Variants in LYZL4 observed in about 807,000 individuals in gnomAD.
The protein encoded by LYZL4 is lysozyme like 4, also known as lysozyme-like protein 4.
In LYZL4, 13 loss-of-function variants were observed where a neutral mutation model predicts 17.6. The ratio of observed to expected loss-of-function variants is 0.74; its 90% CI spans 0.48 to 1.18. The LOEUF (loss-of-function observed/expected upper bound fraction) is 1.18, where lower values mean the gene tolerates loss of function less well. Ranked by LOEUF, LYZL4 falls within the 50% of genes most tolerant of loss-of-function variation. The pLI, the probability that LYZL4 is intolerant of heterozygous loss-of-function variation, is 0.00. For missense variants in LYZL4, 174 were observed against 188.2 expected, an observed-to-expected ratio of 0.92 and a Z score of 0.44; for synonymous variants, 64 against 67.7, an observed-to-expected ratio of 0.95 and a Z score of 0.27.
chr3:42,397,321 G>A lies in LYZL4; in HGVS notation c.385C>T (p.Arg129Trp), dbSNP rs369425950. The change falls in exon 5 of 5, where the codon CGG (arginine) becomes TGG (tryptophan). Residue 129 changes from arginine (R) to tryptophan (W), a missense_variant. Arg to Trp is a moderately radical substitution (Grantham distance 101). Coordinates refer to ENST00000287748, the MANE Select transcript of LYZL4 (RefSeq NM_144634.4). Reference sequence around the variant, plus strand: ...AGGGTATCGGAGTACTGGCAGTACCGGGACCAGGTGGGCCTGTGGAGAGAA... The same window carrying A: ...AGGGTATCGGAGTACTGGCAGTACCAGGACCAGGTGGGCCTGTGGAGAGAA... Reference protein sequence around the residue: ...EGMGAWPTWSRYCQYSDTLAR... With the variant: ...EGMGAWPTWSWYCQYSDTLAR... 84 of 1,572,140 alleles carry A rather than the reference G, an allele frequency of 5.3e-5. No homozygotes were observed. Among genetic ancestry groups the A allele is most frequent in the Middle Eastern group, 1.7e-4 (1 of 6,038 alleles).
intron 3 of LYZL4, 97 bp downstream of exon 3, chr3:42,406,749 T>C: frequency 1.3e-6 from 2 of 1,492,888 alleles, no homozygotes; most frequent in Non-Finnish European, 9.1e-7. Flanking sequence ...CCCTCTTCTT[T>C]GTAAAACTTT....
chr3:42,399,469 A>G (rs1698615233), intron 4 of LYZL4, among the ~76,000 whole-genome samples: 1 of 152,260 alleles, frequency 6.6e-6, no homozygotes, highest in Non-Finnish European at 1.5e-5. Context: ...ATTACCTGCA[A>G]CATCTATACA....
At chr3:42,378,349 GCAAGAATTTCCTTTGCCAAAGTTATATAT>G in the LYZL4 span, among the ~76,000 whole-genome samples, 3 of 152,168 alleles carry the variant, frequency 2.0e-5, no homozygotes, top group Non-Finnish European at 2.9e-5. Context: ...AGGGTTGACA[GCAAGAATTTCCTTTGCCAAAGTTATATAT>G]CCATTCTGTT....
chr3:42,391,195 T>C, the LYZL4 span, among the ~76,000 whole-genome samples: 6 of 152,208 alleles, frequency 3.9e-5, no homozygotes, highest in African/African-American at 1.4e-4. Context: ...CAGATGTCTA[T>C]TCAATAGTCA....
the LYZL4 span, among the ~76,000 whole-genome samples, chr3:42,363,904 A>G: frequency 6.6e-6 from 1 of 152,202 alleles, no homozygotes; most frequent in South Asian, 2.1e-4. Flanking sequence ...CCCTTTCCCA[A>G]CAGTGAAATT....
At chr3:42,390,900 G>C in the LYZL4 span, among the ~76,000 whole-genome samples, 1 of 152,212 alleles carries the variant, frequency 6.6e-6, no homozygotes, top group East Asian at 1.9e-4. Context: ...TGGACTGATA[G>C]TTTGCACCTG....
chr3:42,403,266 T>C (rs1340293333), intron 4 of LYZL4, among the ~76,000 whole-genome samples: 1 of 135,686 alleles, frequency 7.4e-6, no homozygotes, highest in Non-Finnish European at 1.6e-5. Flanking sequence ...ATTATCCACC[T>C]TTTTTTTTTT....
At chr3:42,380,109 G>T in the LYZL4 span, among the ~76,000 whole-genome samples, 2 of 152,140 alleles carry the variant, frequency 1.3e-5, no homozygotes, top group Non-Finnish European at 2.9e-5. Context: ...CAGAGCTGTG[G>T]GAAATAATGT....
the LYZL4 span, among the ~76,000 whole-genome samples, chr3:42,365,014 A>C: frequency 1.3e-5 from 2 of 152,234 alleles, no homozygotes; most frequent in African/African-American, 4.8e-5. Context: ...TGAAGCATGC[A>C]GCATACTCTA....
At chr3:42,369,961 T>C in the LYZL4 span, among the ~76,000 whole-genome samples, 4 of 152,146 alleles carry the variant, frequency 2.6e-5, no homozygotes, top group African/African-American at 9.7e-5. Flanking sequence ...GTGGGAGGAC[T>C]GCTTGAGCTC....
At chr3:42,364,124 C>T in the LYZL4 span, among the ~76,000 whole-genome samples, 1 of 152,134 alleles carries the variant, frequency 6.6e-6, no homozygotes, top group Non-Finnish European at 1.5e-5. Context: ...GGGAGGCAGT[C>T]ATGGGAGAGC....
chr3:42,362,643 A>T, the LYZL4 span, among the ~76,000 whole-genome samples: 1 of 152,172 alleles, frequency 6.6e-6, no homozygotes, highest in South Asian at 2.1e-4. Flanking sequence ...AATCCCATTC[A>T]CAAGGGCTCC....
chr3:42,398,070 G>A (rs1391094026), intron 4 of LYZL4, among the ~76,000 whole-genome samples: 2 of 152,206 alleles, frequency 1.3e-5, no homozygotes, highest in South Asian at 2.1e-4. Flanking sequence ...CACAGTGCAA[G>A]ACAGGGCTGT....
At chr3:42,368,557 G>T in the LYZL4 span, among the ~76,000 whole-genome samples, 1 of 151,900 alleles carries the variant, frequency 6.6e-6, no homozygotes, top group Admixed American at 6.6e-5. Context: ...GTATTTAAGT[G>T]ATTTCTTTTT....
At chr3:42,390,169 A>G in the LYZL4 span, among the ~76,000 whole-genome samples, 2 of 152,216 alleles carry the variant, frequency 1.3e-5, no homozygotes, top group South Asian at 2.1e-4. Flanking sequence ...ATTGGTGGCT[A>G]TAAGGTCTGG....
chr3:42,383,227 C>A, the LYZL4 span, among the ~76,000 whole-genome samples: 4 of 152,106 alleles, frequency 2.6e-5, no homozygotes, highest in Admixed American at 1.3e-4. Flanking sequence ...TACTCCTCAA[C>A]CTTCCTCCCA....
intron 1 of LYZL4, among the ~76,000 whole-genome samples, chr3:42,410,037 C>T (rs1457411443): frequency 6.6e-6 from 1 of 152,198 alleles, no homozygotes; most frequent in Non-Finnish European, 1.5e-5. Flanking sequence ...GAGCTCACTA[C>T]CTCAAAGAAG....
At position 42,407,230 on chromosome 3, in the gene LYZL4, A is replaced by G. The variant is rs1252531146; in HGVS notation, c.22T>C (p.Ser8Pro). ...GGAACCACCAGGTAGCCAAGGAGGGAGAGAACCACGGATGCCTTCATCTTC... is the reference window on the plus strand; with the variant it reads ...GGAACCACCAGGTAGCCAAGGAGGGGGAGAACCACGGATGCCTTCATCTTC... The part of the protein sequence containing the change: MKASVVL[S>P]LLGYLVVPSG... Residue 8 changes from serine to proline, a missense_variant, in exon 2 of 5, where the codon TCC becomes CCC. By Grantham distance (74) the Ser-to-Pro change is moderately conservative (BLOSUM62 -1). Transcript: ENST00000287748. 1.9e-6 allele frequency: 3 copies of G among 1,614,008 alleles called. No homozygotes were observed. Among genetic ancestry groups the G allele is most frequent in the Non-Finnish European group, 2.5e-6 (3 of 1,180,032 alleles).
At chr3:42,400,552 T>A (rs1300310425) in intron 4 of LYZL4, among the ~76,000 whole-genome samples, 1 of 152,250 alleles carries the variant, frequency 6.6e-6, no homozygotes, top group African/African-American at 2.4e-5. Flanking sequence ...GCTATTATTA[T>A]AGGATTTCCT....
Sources: allele counts gnomAD v4.1 joint callset (sites outside exome capture counted in the v4.1 genomes callset), GRCh38; gene constraint gnomAD v4.1.1; transcripts MANE v1.5; gene names NCBI Gene and HGNC (gene_info 2026-07-23, HGNC 2026-07-21).